RPS6KB1: variants seen among roughly 807,000 people sequenced by gnomAD.
RPS6KB1 encodes the protein ribosomal protein S6 kinase B1.
Under a neutral mutation model 70.2 loss-of-function variants are expected in RPS6KB1, and 12 were observed. That is an observed-to-expected ratio of 0.17 (90% CI 0.11 to 0.28). The LOEUF is 0.28. Among genes scored for constraint, RPS6KB1 ranks in the 10% least tolerant of loss-of-function variants. The probability of loss-of-function intolerance (pLI) is 1.00; values close to 1 mark genes in which losing one functional copy is unlikely to be tolerated. For synonymous variants in RPS6KB1, 175 were observed against 211.2 expected (o/e 0.83, Z 1.49); for missense variants, 270 against 646.6 (o/e 0.42, Z 6.32).
At chr17:59,923,036 G>A (rs562919019) in intron 4 of RPS6KB1, among the ~76,000 whole-genome samples, 1 of 151,352 alleles carries the variant, frequency 6.6e-6, no homozygotes, top group Admixed American at 6.6e-5. Flanking sequence ...GCTGATTTTT[G>A]TATTTTTAGT....
In RPS6KB1 at chr17:59,947,344, C is replaced by T; in HGVS notation, c.*556C>T. ...TTTCAAATAGATTTTTGATTCAGCT[C>T]ATTATGAAAAACATCCCAAACTTTA... On this transcript the variant is annotated 3_prime_UTR_variant, in exon 15 of 15. Transcript: ENST00000225577. The T allele has an allele frequency of 6.1e-6, 7 of 1,138,356 alleles. No homozygotes were observed. The highest frequency in any genetic ancestry group is 6.6e-6 in the Non-Finnish European group (6 of 912,910). 70.5% of individuals were successfully genotyped at this position (1,138,356 alleles called of 1,614,324 possible).
At chr17:59,945,718 A>T (rs987453700) in intron 14 of RPS6KB1, among the ~76,000 whole-genome samples, 200 bp downstream of exon 14, 10 of 152,186 alleles carry the variant, frequency 6.6e-5, no homozygotes, top group Admixed American at 4.6e-4. Context: ...TTCCCTCCCA[A>T]AAGTAAGCAG....
intron 13 of RPS6KB1, among the ~76,000 whole-genome samples, chr17:59,943,080 T>C (rs1163860287): frequency 6.6e-6 from 1 of 152,142 alleles, no homozygotes; most frequent in Non-Finnish European, 1.5e-5. Flanking sequence ...TGAATAGTAA[T>C]AATCCTATAA....
intron 6 of RPS6KB1, chr17:59,931,337 A>C (rs1266755550): frequency 3.0e-6 from 1 of 335,150 alleles, no homozygotes. Flanking sequence ...AGAACAAAAC[A>C]TGACCAATGG....
At chr17:59,935,927 TCA>T (rs1192903110) in intron 10 of RPS6KB1, among the ~76,000 whole-genome samples, 2 of 152,026 alleles carry the variant, frequency 1.3e-5, no homozygotes, top group Admixed American at 6.6e-5. Context: ...TTCTCCTGCC[TCA>T]GTCTCCCTAG....
chr17:59,909,169 C>T (rs1285893416), intron 1 of RPS6KB1, among the ~76,000 whole-genome samples: 1 of 145,890 alleles, frequency 6.9e-6, no homozygotes, highest in Non-Finnish European at 1.5e-5. Flanking sequence ...TTCAGGTGAT[C>T]TGCCCGCCTC....
intron 4 of RPS6KB1, among the ~76,000 whole-genome samples, chr17:59,924,843 T>A (rs180533): frequency 0.14 from 20,506 of 149,720 alleles, 1,563 homozygotes; most frequent in Middle Eastern, 0.16. Flanking sequence ...TTATTTATTT[T>A]TTTGAGACGG....
rs948806742 is a variant in RPS6KB1 at position 59,948,205 on chromosome 17, A to C, written c.*1417A>C. The C allele has an allele frequency of 3.3e-5, 5 of 152,672 alleles. No homozygotes were observed. The highest frequency in any genetic ancestry group is 1.2e-4 in the African/African-American group (5 of 41,456). The allele number at this position is 152,672 out of a possible 1,614,324, so 9.5% of individuals were successfully genotyped here. A position where few individuals can be genotyped will look rare whatever the true frequency, so the allele number is the denominator to read the frequency against. ...CTTAAATATTTCCTGCCTTAAAGAG[A>C]GCATTTCCATGACTTTAGCTGGTGA... On this transcript the variant is annotated 3_prime_UTR_variant, in exon 15 of 15. Transcript: ENST00000225577.
chr17:59,912,907 A>G, intron 3 of RPS6KB1, 103 bp downstream of exon 3: 1 of 1,305,556 alleles, frequency 7.7e-7, no homozygotes, highest in Admixed American at 1.9e-5. Context: ...GCTATCAGCA[A>G]AGGATGTGAT....
chr17:59,920,343 A>G (rs971619385), intron 4 of RPS6KB1, among the ~76,000 whole-genome samples: 13 of 152,178 alleles, frequency 8.5e-5, no homozygotes, highest in East Asian at 1.9e-4. Context: ...CAAAAGTTCC[A>G]GTGGAGAACT....
At chr17:59,894,811 G>A (rs2144636382) in intron 1 of RPS6KB1, among the ~76,000 whole-genome samples, 1 of 151,980 alleles carries the variant, frequency 6.6e-6, no homozygotes, top group East Asian at 1.9e-4. Context: ...CACCATATTG[G>A]CCAGGCTGTT....
In RPS6KB1 at chr17:59,934,791, T is replaced by A. The variant is rs2044137869; in HGVS notation, c.870+267T>A. 4 of 435,860 alleles carry A rather than the reference T, an allele frequency of 9.2e-6. No individual in the cohort carries two copies. The Admixed American group carries it at 1.6e-4, about 18-fold the overall frequency. 27.0% of individuals were successfully genotyped at this position (435,860 alleles called of 1,614,324 possible). ...GCCCTTATTTTATAAATGGAGAAAT[T>A]GAAGCATAAAATCACATAGCTCACT... is the stretch of plus-strand genomic sequence containing the variant. On this transcript the variant is annotated intron_variant, in intron 9 of 14. Coordinates refer to ENST00000225577, the MANE Select transcript of RPS6KB1 (RefSeq NM_003161.4). This position sits in a 1 kb window ranked among gnomAD's most constrained non-coding sequence, Gnocchi z 4.8.
intron 1 of RPS6KB1, among the ~76,000 whole-genome samples, chr17:59,899,717 T>C (rs1351426695): frequency 6.6e-6 from 1 of 152,120 alleles, no homozygotes; most frequent in Non-Finnish European, 1.5e-5. Context: ...ATTGGTTTTT[T>C]CCCCCTTGAT....
intron 4 of RPS6KB1, among the ~76,000 whole-genome samples, chr17:59,922,058 T>C (rs2043296591): frequency 6.7e-6 from 1 of 148,452 alleles, no homozygotes; most frequent in Admixed American, 6.8e-5. Flanking sequence ...TTTTTTTTTT[T>C]GAGAAGCAGT....
intron 14 of RPS6KB1, among the ~76,000 whole-genome samples, chr17:59,945,810 A>G (rs2044890359): frequency 6.6e-6 from 1 of 152,194 alleles, no homozygotes; most frequent in East Asian, 1.9e-4. Flanking sequence ...ACTGCATGTT[A>G]TGTGTGTGTA....
chr17:59,941,319 C>CTTTT (rs34530239), intron 13 of RPS6KB1, among the ~76,000 whole-genome samples: 1 of 125,032 alleles, frequency 8.0e-6, no homozygotes, highest in Non-Finnish European at 1.7e-5. Flanking sequence ...ATTTTTGGTA[C>CTTTT]TTTTTTTTTT....
intron 12 of RPS6KB1, among the ~76,000 whole-genome samples, chr17:59,937,247 A>G (rs1255787861): frequency 6.6e-6 from 1 of 152,226 alleles, no homozygotes; most frequent in Non-Finnish European, 1.5e-5. Context: ...TCAGTTACCT[A>G]AGACAAATAT....
In RPS6KB1 at chr17:59,899,442, C is replaced by T. The variant is rs112888584; in HGVS notation, c.141+6117C>T. ...TAGGAAATGAAACATAGCTACAGGG[C>T]GTATCTTGTGAGGTGGCTTCAAAAT... On this transcript the variant is annotated intron_variant, in intron 1 of 14. Transcript: ENST00000225577. Among the ~76,000 whole-genome samples the T allele has an allele frequency of 5.9e-3, 898 of 152,140 alleles. 15 individuals carry two copies. Among genetic ancestry groups the T allele is most frequent in the African/African-American group, 0.021 (857 of 41,510 alleles).
At chr17:59,905,056 C>T (rs886269578) in intron 1 of RPS6KB1, among the ~76,000 whole-genome samples, 1 of 152,060 alleles carries the variant, frequency 6.6e-6, no homozygotes, top group Non-Finnish European at 1.5e-5. Context: ...GGGTCTCAGT[C>T]TGTCACCCAG....
Sources: gnomAD v4.1 joint callset for allele counts (sites outside exome capture counted in the v4.1 genomes callset) on GRCh38, gnomAD v4.1.1 for gene constraint, Gnocchi (gnomAD v3.1) non-coding constraint, MANE v1.5 for transcripts, NCBI Gene and HGNC (gene_info 2026-07-23, HGNC 2026-07-21) for gene names.